The following SORBS2 variants were observed in gnomAD, a reference collection of about 807,000 sequenced individuals.
The protein encoded by SORBS2 is sorbin and SH3 domain containing 2.
SORBS2 carries 46 observed loss-of-function variants against 97.7 expected under a neutral mutation model. The ratio of observed to expected loss-of-function variants is 0.47; its 90% confidence interval spans 0.37 to 0.60. The LOEUF (loss-of-function observed/expected upper bound fraction) is 0.60, where lower values mean the gene tolerates loss of function less well. Among genes scored for constraint, SORBS2 ranks in the 20% least tolerant of loss-of-function variants. The pLI, the probability that SORBS2 is intolerant of heterozygous loss-of-function variation, is 0.00. For missense variants in SORBS2, 1,316 were observed against 1,282.3 expected, an observed-to-expected ratio of 1.03 and a Z score of -0.40; for synonymous variants, 476 against 473.4, an observed-to-expected ratio of 1.01 and a Z score of -0.07.
At chr4:185,838,156 G>A (rs1260861010) in intron 1 of SORBS2, among the ~76,000 whole-genome samples, 1 of 152,234 alleles carries the variant, frequency 6.6e-6, no homozygotes, top group African/African-American at 2.4e-5. Flanking sequence ...CTCCCCAGCA[G>A]GGTGTGCGGG....
chr4:185,799,837 G>A (rs73873388), intron 1 of SORBS2, among the ~76,000 whole-genome samples: 4,389 of 152,226 alleles, frequency 0.029, 94 homozygotes, highest in African/African-American at 0.054. Context: ...AGAGGGTTTC[G>A]TACCTCGGCT....
chr4:185,744,781 T>C (rs2098749804), intron 2 of SORBS2, among the ~76,000 whole-genome samples: 1 of 152,222 alleles, frequency 6.6e-6, no homozygotes, highest in Admixed American at 6.5e-5. Flanking sequence ...ATGGCCACTA[T>C]GCATTAAAGA....
rs114264728 is a variant in SORBS2, at chr4:185,947,310, C to T, written c.-338+8886G>A. ...AATGAGTTTAGCAGGGAACGGAAGC[C>T]TGTTTCTTCTCATATTTTAATTTCC... On this transcript the variant is annotated intron_variant, in intron 1 of 20. Transcript: ENST00000284776. 6.2e-3 allele frequency among the ~76,000 whole-genome samples: 942 copies of T among 152,220 alleles called. 5 individuals are homozygous for T. Among genetic ancestry groups the T allele is most frequent in the Middle Eastern group, 0.024 (7 of 294 alleles).
chr4:185,938,746 C>G (rs570597487), intron 1 of SORBS2, among the ~76,000 whole-genome samples: 2 of 152,054 alleles, frequency 1.3e-5, no homozygotes, highest in African/African-American at 4.8e-5. Context: ...GCTTTCCCCC[C>G]CAGCAGCCTG....
intron 4 of SORBS2, among the ~76,000 whole-genome samples, chr4:185,644,038 C>A (rs969757227): frequency 6.6e-6 from 1 of 152,100 alleles, no homozygotes; most frequent in Non-Finnish European, 1.5e-5. Context: ...GCAATTGAAA[C>A]GAAGTCAGGA....
At chr4:185,752,304 C>G (rs1427927866) in intron 2 of SORBS2, among the ~76,000 whole-genome samples, 1 of 152,076 alleles carries the variant, frequency 6.6e-6, no homozygotes, top group Admixed American at 6.6e-5. Flanking sequence ...GAGACAGAGT[C>G]TCGCTCTGTC....
chr4:185,802,870 A>G (rs2099137059), intron 1 of SORBS2, among the ~76,000 whole-genome samples: 1 of 152,194 alleles, frequency 6.6e-6, no homozygotes, highest in Non-Finnish European at 1.5e-5. Flanking sequence ...CTCCATGTCA[A>G]TCAACAAGAG....
At chr4:185,738,855 T>C (rs2098704949) in intron 2 of SORBS2, among the ~76,000 whole-genome samples, 1 of 152,236 alleles carries the variant, frequency 6.6e-6, no homozygotes, top group Admixed American at 6.5e-5. Flanking sequence ...CCACATACTG[T>C]TTCCTTTTAT....
chr4:185,656,875 G>T, exon 1 of SORBS2: 4 of 1,278,402 alleles, frequency 3.1e-6, no homozygotes, highest in Non-Finnish European at 3.9e-6. Context: ...GGCTGAAGAG[G>T]GACATTAAAA....
chr4:185,815,960 T>TTAG (rs1445526335), intron 1 of SORBS2, among the ~76,000 whole-genome samples: 1 of 152,248 alleles, frequency 6.6e-6, no homozygotes, highest in African/African-American at 2.4e-5. Flanking sequence ...AAGGTTAAGA[T>TTAG]TAGTTGATGA....
chr4:185,615,633 G>A (rs565067226), intron 9 of SORBS2, among the ~76,000 whole-genome samples: 1 of 152,116 alleles, frequency 6.6e-6, no homozygotes, highest in South Asian at 2.1e-4. Context: ...GAATAGAAGT[G>A]CCAACACCAG....
intron 1 of SORBS2, among the ~76,000 whole-genome samples, chr4:185,841,204 T>C (rs2099211302): frequency 6.6e-6 from 1 of 152,186 alleles, no homozygotes; most frequent in Admixed American, 6.5e-5. Context: ...CTAAGCTGGG[T>C]AATAACACAG....
intron 2 of SORBS2, among the ~76,000 whole-genome samples, chr4:185,743,085 A>C (rs964474069): frequency 6.6e-6 from 1 of 152,178 alleles, no homozygotes; most frequent in Non-Finnish European, 1.5e-5. Flanking sequence ...TAAGCCTTAG[A>C]TCTCAAGGTT....
intron 4 of SORBS2, chr4:185,677,434 T>C (rs2097803996): frequency 1.3e-6 from 2 of 1,552,262 alleles, no homozygotes; most frequent in Non-Finnish European, 1.7e-6. Flanking sequence ...GACATGGTTG[T>C]GTTAGATTCT....
intron 1 of SORBS2, among the ~76,000 whole-genome samples, chr4:185,784,276 C>T (rs1020186743): frequency 1.3e-5 from 2 of 152,130 alleles, no homozygotes; most frequent in Non-Finnish European, 2.9e-5. Context: ...GGACTACAGG[C>T]ACCTGCCACC....
chr4:185,598,380 T>C (rs1445363417), intron 12 of SORBS2, among the ~76,000 whole-genome samples: 1 of 152,226 alleles, frequency 6.6e-6, no homozygotes, highest in Non-Finnish European at 1.5e-5. Flanking sequence ...TTTAAACACA[T>C]GCTAATTTCC....
At chr4:185,691,958 A>G (rs1438004861) in intron 2 of SORBS2, among the ~76,000 whole-genome samples, 4 of 152,242 alleles carry the variant, frequency 2.6e-5, no homozygotes, top group Non-Finnish European at 5.9e-5. Context: ...CATGTTAGCC[A>G]GGATGGCTAC....
rs953685573 is a variant in SORBS2, at chr4:185,810,916, A to G, written c.-337-35550T>C. The G allele has an allele frequency of 3.9e-5, 6 of 152,172 alleles. No homozygotes were observed. The South Asian group carries it at 8.3e-4, about 21-fold the overall frequency. 9.4% of individuals were successfully genotyped at this position (152,172 alleles called of 1,614,324 possible). ...GCTTGTGAGAAAAATTGTGCAAGAA[A>G]AGAAGTTTTACTGCCACATACCTCA... is the stretch of plus-strand genomic sequence containing the variant. On this transcript the variant is annotated intron_variant, in intron 1 of 20. Coordinates refer to the SORBS2 transcript ENST00000284776.
At chr4:185,769,469 G>C (rs1263296746) in intron 2 of SORBS2, among the ~76,000 whole-genome samples, 1 of 152,092 alleles carries the variant, frequency 6.6e-6, no homozygotes, top group Non-Finnish European at 1.5e-5. Flanking sequence ...TTACTCAGAC[G>C]TGAGTACTTA....
Sources: allele counts gnomAD v4.1 joint callset (sites outside exome capture counted in the v4.1 genomes callset), GRCh38; gene constraint gnomAD v4.1.1; transcripts MANE v1.5; gene names NCBI Gene and HGNC (gene_info 2026-07-23, HGNC 2026-07-21).